WWOX: variants seen among roughly 807,000 people sequenced by gnomAD.
WWOX encodes WW domain-containing oxidoreductase.
Under a neutral mutation model 46.2 loss-of-function variants are expected in WWOX, and 69 were observed. The observed-to-expected ratio is 1.49, with a 90% CI of 1.23 to 1.82. The LOEUF is 1.82. Ranked by LOEUF, WWOX falls within the 40% of genes most tolerant of loss-of-function variation. The probability of loss-of-function intolerance (pLI) is 0.00; values close to 1 mark genes in which losing one functional copy is unlikely to be tolerated. For missense variants in WWOX, 919 were observed against 542.6 expected (o/e 1.69, Z -6.89); for synonymous variants, 359 against 202.6 (o/e 1.77, Z -6.56).
chr16:78,836,808 G>A (rs997391264), intron 8 of WWOX, among the ~76,000 whole-genome samples: 1 of 152,152 alleles, frequency 6.6e-6, no homozygotes, highest in African/African-American at 2.4e-5. Flanking sequence ...AAAAGCCCCT[G>A]TGGTTTGGAT....
At chr16:78,996,942 C>G (rs950230039) in intron 8 of WWOX, among the ~76,000 whole-genome samples, 1 of 152,238 alleles carries the variant, frequency 6.6e-6, no homozygotes, top group East Asian at 1.9e-4. Context: ...CAAGCATCCT[C>G]TCCCGCGCCT....
intron 8 of WWOX, among the ~76,000 whole-genome samples, chr16:79,060,716 G>T (rs2048343370): frequency 6.6e-6 from 1 of 152,322 alleles, no homozygotes; most frequent in African/African-American, 2.4e-5. Flanking sequence ...AACCAATGAG[G>T]CCATTGTCAC....
intron 8 of WWOX, among the ~76,000 whole-genome samples, chr16:78,566,483 G>A (rs890599453): frequency 5.9e-5 from 9 of 152,172 alleles, no homozygotes; most frequent in Non-Finnish European, 1.2e-4. Context: ...CTCCCTGATT[G>A]TCGCTGGCCT....
intron 8 of WWOX, among the ~76,000 whole-genome samples, chr16:78,772,376 T>C (rs1351209158): frequency 6.6e-6 from 1 of 152,222 alleles, no homozygotes; most frequent in East Asian, 1.9e-4. Flanking sequence ...ATGATCGCAT[T>C]CTTTTATATG....
chr16:78,848,792 G>A, intron 8 of WWOX, among the ~76,000 whole-genome samples: 1 of 78,072 alleles, frequency 1.3e-5, no homozygotes, highest in East Asian at 2.3e-4. Context: ...GAGTTACACA[G>A]AGACCTTTTT....
chr16:78,277,303 T>A (rs1464895791), intron 5 of WWOX, among the ~76,000 whole-genome samples: 1 of 152,198 alleles, frequency 6.6e-6, no homozygotes, highest in East Asian at 1.9e-4. Context: ...CAGGTTTGTG[T>A]AAGGGATGAA....
At chr16:78,331,971 G>A (rs1037578600) in intron 5 of WWOX, among the ~76,000 whole-genome samples, 2 of 152,138 alleles carry the variant, frequency 1.3e-5, no homozygotes, top group African/African-American at 4.8e-5. Flanking sequence ...TGACTCCAAA[G>A]CTGTGTCCTC....
At chr16:78,358,109 T>G (rs2081335980) in intron 5 of WWOX, among the ~76,000 whole-genome samples, 1 of 152,166 alleles carries the variant, frequency 6.6e-6, no homozygotes, top group Non-Finnish European at 1.5e-5. Flanking sequence ...AAAAGCATCA[T>G]GCACTAGGTA....
At chr16:78,905,504 C>T (rs893507472) in intron 8 of WWOX, among the ~76,000 whole-genome samples, 2 of 152,156 alleles carry the variant, frequency 1.3e-5, no homozygotes, top group African/African-American at 4.8e-5. Flanking sequence ...ACCTCAGCCT[C>T]CTGTGTAGTG....
At chr16:78,313,108 A>G (rs909918650) in intron 5 of WWOX, among the ~76,000 whole-genome samples, 1 of 152,236 alleles carries the variant, frequency 6.6e-6, no homozygotes, top group African/African-American at 2.4e-5. Flanking sequence ...AAAGAATAAC[A>G]GGAAAATCCA....
At chr16:78,995,604 A>G (rs1038549184) in intron 8 of WWOX, among the ~76,000 whole-genome samples, 1 of 152,184 alleles carries the variant, frequency 6.6e-6, no homozygotes, top group African/African-American at 2.4e-5. Context: ...AGAAAGAGAA[A>G]AAACTGCAAA....
At chr16:78,942,381 A>C (rs969502073) in intron 8 of WWOX, among the ~76,000 whole-genome samples, 2 of 151,990 alleles carry the variant, frequency 1.3e-5, no homozygotes, top group Non-Finnish European at 2.9e-5. Flanking sequence ...CATATTTGAT[A>C]CTCTCTTTTG....
intron 8 of WWOX, among the ~76,000 whole-genome samples, chr16:79,052,073 T>C (rs2048178342): frequency 6.6e-6 from 1 of 151,486 alleles, no homozygotes; most frequent in Admixed American, 6.6e-5. Flanking sequence ...AGTTTTAGGG[T>C]ACATGTGCAC....
At chr16:78,333,473 AGTTT>A (rs1189542811) in intron 5 of WWOX, among the ~76,000 whole-genome samples, 1 of 152,188 alleles carries the variant, frequency 6.6e-6, no homozygotes, top group Non-Finnish European at 1.5e-5. Flanking sequence ...TGTAATACTT[AGTTT>A]AACTGGTAAA....
intron 8 of WWOX, among the ~76,000 whole-genome samples, chr16:78,540,032 AC>A (rs1234217759): frequency 8.0e-5 from 12 of 150,354 alleles, no homozygotes; most frequent in East Asian, 5.8e-4. Flanking sequence ...ACACACACAC[AC>A]ACACACACAC....
chr16:78,955,788 C>A (rs182826123), intron 8 of WWOX, among the ~76,000 whole-genome samples: 2 of 151,036 alleles, frequency 1.3e-5, no homozygotes, highest in Admixed American at 1.3e-4. Flanking sequence ...GCTGGGACTA[C>A]GGTTGTACAT....
At chr16:79,004,147 A>T (rs1332910879) in intron 8 of WWOX, 1 of 152,328 alleles carries the variant, frequency 6.6e-6, no homozygotes, top group East Asian at 1.9e-4. Context: ...TACCCACATC[A>T]GGCAATTCCA....
At chr16:78,180,454 C>G (rs578069793) in intron 5 of WWOX, among the ~76,000 whole-genome samples, 1 of 150,452 alleles carries the variant, frequency 6.6e-6, no homozygotes, top group Non-Finnish European at 1.5e-5. Flanking sequence ...AGGGCTAGTG[C>G]GTAAACCCAG....
intron 6 of WWOX, among the ~76,000 whole-genome samples, chr16:78,396,314 A>G (rs76894589): frequency 2.0e-5 from 3 of 152,132 alleles, no homozygotes; most frequent in Non-Finnish European, 4.4e-5. Context: ...GAAAAAAAAA[A>G]GTTAGTGAGC....
Sources: allele counts gnomAD v4.1 joint callset (sites outside exome capture counted in the v4.1 genomes callset), GRCh38; gene constraint gnomAD v4.1.1; transcripts MANE v1.5; gene names NCBI Gene and HGNC (gene_info 2026-07-23, HGNC 2026-07-21).